The following NAV3 variants were observed in gnomAD, a reference collection of about 807,000 sequenced individuals.
NAV3 encodes neuron navigator 3.
Under a neutral mutation model 244.7 loss-of-function variants are expected in NAV3, and 87 were observed. That is an observed-to-expected ratio of 0.36 (90% confidence interval 0.30 to 0.42). NAV3 has a LOEUF of 0.42. Among genes scored for constraint, NAV3 ranks in the 20% least tolerant of loss-of-function variants. The pLI, the probability that NAV3 is intolerant of heterozygous loss-of-function variation, is 1.00. For synonymous variants in NAV3, 1,126 were observed against 1,042.2 expected (o/e 1.08, Z -1.55); for missense variants, 2,663 against 2,893.3 (o/e 0.92, Z 1.83).
intron 10 of NAV3, 21 bp from the exon 11 acceptor site, chr12:78,050,743 T>C (rs1566063253): frequency 3.8e-6 from 6 of 1,566,228 alleles, no homozygotes; most frequent in Non-Finnish European, 5.2e-6. Context: ...AGTATAGTTA[T>C]TTCTCCATTT....
intron 12 of NAV3, among the ~76,000 whole-genome samples, chr12:78,064,541 C>T (rs898576588): frequency 1.3e-5 from 2 of 151,900 alleles, no homozygotes. Context: ...GATTAGGATT[C>T]CACCCTTATG....
chr12:77,972,183 A>AGT (rs36018341), intron 5 of NAV3, among the ~76,000 whole-genome samples: 18,007 of 151,870 alleles, frequency 0.12, 1,197 homozygotes, highest in Non-Finnish European at 0.15. Context: ...TGTGAGCTTG[A>AGT]GTGTGTGTGT....
At chr12:77,663,591 G>T (rs182785312) in intron 2 of NAV3, among the ~76,000 whole-genome samples, 142 of 148,430 alleles carry the variant, frequency 9.6e-4, no homozygotes, top group Non-Finnish European at 1.9e-3. Flanking sequence ...GCGCGATCTC[G>T]GCTCACTGCA....
intron 2 of NAV3, among the ~76,000 whole-genome samples, chr12:77,805,644 C>T (rs576153727): frequency 1.5e-5 from 2 of 130,740 alleles, no homozygotes; most frequent in Admixed American, 1.6e-4. Flanking sequence ...TGTTGTTTCT[C>T]TGCCAGGTTT....
Position 78,122,056 on chromosome 12 carries a change from A to T in NAV3, c.3866A>T (p.Glu1289Val), listed in dbSNP as rs2138684889. ...ACATTAGCGCGGCAAGGCAGTCTGG[A>T]GTCACCGTCGTCCGGTACGGGCAGC... ...STTLARQGSL[E>V]SPSSGTGSMG... The change falls in exon 16 of 40, where the codon GAG becomes GTG. Residue 1289 changes from glutamate (E) to valine (V), a missense_variant. This residue lies in a region of NAV3 where 354 missense variants were observed against 413.0 expected (regional missense o/e 0.86). Coordinates refer to ENST00000397909, the MANE Select transcript of NAV3 (RefSeq NM_001024383.2). 2 of 1,614,212 alleles carry T rather than the reference A, an allele frequency of 1.2e-6. No homozygotes were observed. The highest frequency in any genetic ancestry group is 1.7e-6 in the Non-Finnish European group (2 of 1,180,042).
Position 78,007,062 on chromosome 12 carries a change from G to A in NAV3, c.1524G>A (p.Lys508=), listed in dbSNP as rs540019767. The change falls in exon 8 of 40, where the codon AAG becomes AAA. Residue 508 remains lysine, a synonymous_variant. Transcript: ENST00000397909. ...KTSKIASLIP[K]GSKTTAAKKE... ...CCAAAATTGCAAGCTTGATCCCTAA[G>A]GGCAGCAAGACAACAGCAGCTAAGA... 103 of 1,614,050 alleles carry A rather than the reference G, an allele frequency of 6.4e-5. No individual in the cohort carries two copies. Among genetic ancestry groups the A allele is most frequent in the Non-Finnish European group, 8.6e-5 (102 of 1,180,052 alleles).
intron 20 of NAV3, among the ~76,000 whole-genome samples, chr12:78,141,684 GA>G (rs1315829262): frequency 1.3e-5 from 2 of 152,052 alleles, no homozygotes; most frequent in Non-Finnish European, 2.9e-5. Flanking sequence ...ATAGCTTCTA[GA>G]AATTAAGAAA....
chr12:78,105,005 G>C (rs1054587360), intron 12 of NAV3, among the ~76,000 whole-genome samples: 5 of 151,896 alleles, frequency 3.3e-5, no homozygotes, highest in Admixed American at 1.3e-4. Flanking sequence ...TGTTTGTTTA[G>C]GATAGATTCC....
At chr12:77,662,192 A>G (rs1432374503) in intron 2 of NAV3, among the ~76,000 whole-genome samples, 1 of 151,352 alleles carries the variant, frequency 6.6e-6, no homozygotes, top group Non-Finnish European at 1.5e-5. Flanking sequence ...TGAAAATGGC[A>G]TATCTCACCT....
intron 2 of NAV3, among the ~76,000 whole-genome samples, chr12:77,656,514 C>T (rs1354492840): frequency 5.0e-5 from 6 of 119,114 alleles, no homozygotes; most frequent in East Asian, 2.1e-4. Flanking sequence ...TAATGGGAGA[C>T]TTTAACACCC....
At chr12:77,732,000 C>T (rs148286448) in intron 2 of NAV3, among the ~76,000 whole-genome samples, 322 of 151,636 alleles carry the variant, frequency 2.1e-3, no homozygotes, top group Middle Eastern at 0.021. Context: ...CTACAGAGAA[C>T]GAGTCGGTAG....
chr12:78,037,995 A>G (rs1331346370), intron 9 of NAV3, among the ~76,000 whole-genome samples: 2 of 152,168 alleles, frequency 1.3e-5, no homozygotes, highest in Non-Finnish European at 2.9e-5. Flanking sequence ...GCATGTGCAC[A>G]TTATAAGTAT....
intron 7 of NAV3, among the ~76,000 whole-genome samples, chr12:78,005,468 T>A (rs143140545): frequency 2.0e-5 from 3 of 152,326 alleles, no homozygotes; most frequent in Non-Finnish European, 4.4e-5. Context: ...ATGACTTGTG[T>A]GTGAGCAGCA....
chr12:78,113,385 C>T (rs955826747), intron 12 of NAV3, among the ~76,000 whole-genome samples: 43 of 152,210 alleles, frequency 2.8e-4, no homozygotes, highest in Non-Finnish European at 5.4e-4. Context: ...AGGGCTCCAC[C>T]GCTGCAGCAA....
At chr12:77,823,743 A>T (rs775544884) in intron 2 of NAV3, among the ~76,000 whole-genome samples, 2 of 152,240 alleles carry the variant, frequency 1.3e-5, no homozygotes, top group African/African-American at 4.8e-5. Context: ...TTAAAAAGCA[A>T]TGTGACATGA....
At chr12:78,019,278 A>G (rs889657258) in intron 8 of NAV3, among the ~76,000 whole-genome samples, 5 of 152,162 alleles carry the variant, frequency 3.3e-5, no homozygotes, top group African/African-American at 4.8e-5. Context: ...TCTTTCTTGC[A>G]TATGTTTTAC....
chr12:77,602,766 C>T (rs190299234), intron 2 of NAV3, among the ~76,000 whole-genome samples: 1 of 151,974 alleles, frequency 6.6e-6, no homozygotes, highest in Non-Finnish European at 1.5e-5. Flanking sequence ...AGTGAGTCCA[C>T]TCTCAGCCTC....
chr12:78,005,983 A>G (rs896828880), intron 7 of NAV3, among the ~76,000 whole-genome samples: 1 of 152,142 alleles, frequency 6.6e-6, no homozygotes, highest in African/African-American at 2.4e-5. Context: ...ATCTCAGCTC[A>G]CTGCAACCTC....
rs193089678 is a variant in NAV3 at position 77,723,551 on chromosome 12, A to C, written c.72+151285A>C. ...CTCTGCCCAGATACAAATACATTTC[A>C]AGTTATGACATGCTGTGAAAGGCTT... On this transcript the variant is annotated intron_variant, in intron 2 of 8. Coordinates refer to the NAV3 transcript ENST00000550042. Among the ~76,000 whole-genome samples, 628 of 151,970 alleles carry C rather than the reference A, an allele frequency of 4.1e-3. 10 individuals are homozygous for C. The highest frequency in any genetic ancestry group is 6.7e-3 in the Non-Finnish European group (454 of 67,908).
Sources: allele counts gnomAD v4.1 joint callset (sites outside exome capture counted in the v4.1 genomes callset), GRCh38; gene constraint gnomAD v4.1.1; regional missense constraint gnomAD v4.1.1; transcripts MANE v1.5; gene names NCBI Gene and HGNC (gene_info 2026-07-23, HGNC 2026-07-21).